The following TUBA3D variants were observed in gnomAD, a reference collection of about 807,000 sequenced individuals.
TUBA3D encodes tubulin alpha-3D chain.
In TUBA3D, 24 loss-of-function variants were observed where a neutral mutation model predicts 36.1. That is an observed-to-expected ratio of 0.66 (90% CI 0.48 to 0.93). The LOEUF (loss-of-function observed/expected upper bound fraction) is 0.93. TUBA3D is among the 40% of genes least tolerant of loss of function. The pLI is 0.00. For synonymous variants in TUBA3D, 185 were observed against 247.2 expected (o/e 0.75, Z 2.36); for missense variants, 356 against 614.5 (o/e 0.58, Z 4.45).
chr2:131,476,389 C>A (rs1157610602), intron 1 of TUBA3D, among the ~76,000 whole-genome samples, 187 bp downstream of exon 1: 1 of 152,182 alleles, frequency 6.6e-6, no homozygotes, highest in Admixed American at 6.5e-5. Flanking sequence ...GGGACGGCGG[C>A]TTTTGTTTTA....
rs1329692195 is a variant in TUBA3D at position 131,476,169 on chromosome 2, G to A, written c.-31G>A. 1 of 1,613,832 alleles carries A rather than the reference G, an allele frequency of 6.2e-7. No individual in the cohort carries two copies. Among genetic ancestry groups the A allele is most frequent in the South Asian group, 1.1e-5 (1 of 91,066 alleles). The stretch of plus-strand genomic sequence containing the variant: ...TGTGGCAGCCGGTTGAGGTCTGGCA[G>A]TAGCGTTGGGCTGAAGCAGCGGAGT... On this transcript the variant is annotated 5_prime_UTR_variant, in exon 1 of 5. Coordinates refer to ENST00000321253, the MANE Select transcript of TUBA3D (RefSeq NM_080386.4).
intron 3 of TUBA3D, 86 bp from the exon 4 acceptor site, chr2:131,479,983 G>A: frequency 1.4e-6 from 2 of 1,475,130 alleles, no homozygotes; most frequent in Non-Finnish European, 1.8e-6. Flanking sequence ...CAACTCTTTA[G>A]AGGCAAAGAG....
Position 131,478,247 on chromosome 2 carries a change from A to T in TUBA3D, c.87A>T (p.Gly29=). 1 of 1,614,088 alleles carries T rather than the reference A, an allele frequency of 6.2e-7. No homozygotes were observed. Among genetic ancestry groups the T allele is most frequent in the Non-Finnish European group, 8.5e-7 (1 of 1,179,934 alleles). The change falls in exon 2 of 5, where the codon GGA becomes GGT. Residue 29 remains glycine (G), a synonymous_variant. Coordinates refer to ENST00000321253, the MANE Select transcript of TUBA3D (RefSeq NM_080386.4). ...GGGAACTGTACTGCCTTGAACATGG[A>T]ATTCAGCCCGATGGCCAAATGCCAA... is the stretch of plus-strand genomic sequence containing the variant. ...ACWELYCLEH[G]IQPDGQMPSD... is the part of the protein sequence containing the mutation.
In TUBA3D at chr2:131,480,463, C is replaced by T. The variant is rs754278163; in HGVS notation, c.770C>T (p.Thr257Ile). The change falls in exon 4 of 5, where the codon ACC becomes ATC. Residue 257 changes from threonine to isoleucine, a missense_variant. Transcript: ENST00000321253. ...ALNVDLTEFQ[T>I]NLVPYPRIHF... ...AATGTGGACTTGACGGAATTCCAGA[C>T]CAACCTAGTGCCGTACCCCCGCATC... 45 of 1,588,360 alleles carry T rather than the reference C, an allele frequency of 2.8e-5. 1 individual carries two copies. The highest frequency in any genetic ancestry group is 3.4e-5 in the Non-Finnish European group (40 of 1,171,714).
Position 131,480,068 on chromosome 2 carries a change from G to C in TUBA3D, c.376-1G>C. 1.3e-6 allele frequency: 2 copies of C among 1,579,252 alleles called. No homozygotes were observed. The highest frequency in any genetic ancestry group is 2.3e-5 in the South Asian group (2 of 85,242). On this transcript the variant is annotated splice_acceptor_variant, in intron 3 of 4. Coordinates refer to ENST00000321253, the MANE Select transcript of TUBA3D (RefSeq NM_080386.4). LOFTEE classifies it high-confidence loss of function. Reference sequence around the variant, plus strand: ...GGCTCACGTTGTGTGGTTTCTCTCAGGCGGATCTGTGCACAGGACTGCAGG... The same window carrying C: ...GGCTCACGTTGTGTGGTTTCTCTCACGCGGATCTGTGCACAGGACTGCAGG...
intron 4 of TUBA3D, among the ~76,000 whole-genome samples, chr2:131,481,812 C>A: frequency 6.6e-6 from 1 of 152,172 alleles, no homozygotes; most frequent in East Asian, 1.9e-4. Flanking sequence ...ACGTGATCTG[C>A]CCACCTGTCT....
In TUBA3D at chr2:131,480,258, C is replaced by A; in HGVS notation, c.565C>A (p.Leu189Met). The change falls in exon 4 of 5, where the codon CTG becomes ATG. Residue 189 changes from leucine (L) to methionine (M), a missense_variant. This residue lies in a region of TUBA3D where 91 missense variants were observed against 240.9 expected (regional missense o/e 0.38). Transcript: ENST00000321253. ...CGTGGTGGAGCCCTACAACTCCATC[C>A]TGACCACCCACACGACCCTGGAACA... ...TAVVEPYNSI[L>M]TTHTTLEHSD... 6.2e-7 allele frequency: 1 copy of A among 1,614,000 alleles called. No individual in the cohort carries two copies. Among genetic ancestry groups the A allele is most frequent in the Non-Finnish European group, 8.5e-7 (1 of 1,180,030 alleles).
chr2:131,476,211 C>G lies in TUBA3D; in HGVS notation c.3+9C>G, dbSNP rs749861322. On this transcript the variant is annotated intron_variant, in intron 1 of 4. Coordinates refer to ENST00000321253, the MANE Select transcript of TUBA3D (RefSeq NM_080386.4). Reference sequence around the variant, plus strand: ...CAGCGGAGTTCGCCATGGTAAGGCCCGGGTCACTCCCGCCCCGCAGATGCC... The same window carrying G: ...CAGCGGAGTTCGCCATGGTAAGGCCGGGGTCACTCCCGCCCCGCAGATGCC... 15 of 1,613,902 alleles carry G rather than the reference C, an allele frequency of 9.3e-6. No individual in the cohort carries two copies. In the South Asian group the frequency reaches 1.5e-4, roughly 17 times the overall value.
intron 4 of TUBA3D, among the ~76,000 whole-genome samples, chr2:131,481,403 G>A (rs1678860876): frequency 6.6e-6 from 1 of 151,430 alleles, no homozygotes; most frequent in African/African-American, 2.4e-5. Context: ...CAAGCAGCTG[G>A]GACCATAGAC....
intron 3 of TUBA3D, among the ~76,000 whole-genome samples, chr2:131,479,822 A>C (rs1678792023): frequency 6.6e-6 from 1 of 152,094 alleles, no homozygotes; most frequent in South Asian, 2.1e-4. Context: ...CCTGGGAAAC[A>C]GAGCAAGATT....
chr2:131,479,746 AG>A, intron 3 of TUBA3D, among the ~76,000 whole-genome samples: 1 of 152,148 alleles, frequency 6.6e-6, no homozygotes, highest in Non-Finnish European at 1.5e-5. Flanking sequence ...AGGCTGAGGC[AG>A]GAGAATTGCT....
chr2:131,476,681 C>T (rs1678684117), intron 1 of TUBA3D, among the ~76,000 whole-genome samples: 1 of 152,260 alleles, frequency 6.6e-6, no homozygotes, highest in African/African-American at 2.4e-5. Flanking sequence ...CGCCTGGAAT[C>T]CCAGCCCTTG....
rs540555988 is a variant in TUBA3D at position 131,479,998 on chromosome 2, G to A, written c.376-71G>A. On this transcript the variant is annotated intron_variant, in intron 3 of 4. Transcript: ENST00000321253. ...CAACTCTTTAGAGGCAAAGAGAAGC[G>A]GCCCTGGCTTGTTGGAGGTTGGTGG... is the stretch of plus-strand genomic sequence containing the variant. 17 of 1,509,086 alleles carry A rather than the reference G, an allele frequency of 1.1e-5. No homozygotes were observed. The African/African-American group carries it at 1.4e-4, about 13-fold the overall frequency. The allele number at this position is 1,509,086 out of a possible 1,614,324, so 93.5% of individuals were successfully genotyped here.
chr2:131,479,318 C>G lies in TUBA3D; in HGVS notation c.237C>G (p.Arg79=). The G allele has an allele frequency of 3.1e-6, 5 of 1,613,960 alleles. No homozygotes were observed. Among genetic ancestry groups the G allele is most frequent in the Non-Finnish European group, 4.2e-6 (5 of 1,179,898 alleles). The change falls in exon 3 of 5, where the codon CGC becomes CGG. Residue 79 remains arginine (R), a synonymous_variant. Coordinates refer to ENST00000321253, the MANE Select transcript of TUBA3D (RefSeq NM_080386.4). The stretch of plus-strand genomic sequence containing the variant: ...CTGTCTCTTTTGCAGATGAAGTGCG[C>G]ACAGGGACCTACAGGCAGCTCTTCC... ...DLEPTVVDEV[R]TGTYRQLFHP...
chr2:131,478,161 C>T lies in TUBA3D; in HGVS notation c.4-3C>T, dbSNP rs1678737351. ...GGGTTCACTTTTATGTTCCTGTTCA[C>T]AGCGCGAGTGTATCTCTATCCACGT... On this transcript the variant is annotated splice_region_variant and splice_polypyrimidine_tract_variant and intron_variant, in intron 1 of 4. Transcript: ENST00000321253. 1 of 1,611,660 alleles carries T rather than the reference C, an allele frequency of 6.2e-7. No individual in the cohort carries two copies. The highest frequency in any genetic ancestry group is 1.3e-5 in the African/African-American group (1 of 74,868).
chr2:131,481,810 T>C (rs1484540192), intron 4 of TUBA3D, among the ~76,000 whole-genome samples: 2 of 152,220 alleles, frequency 1.3e-5, no homozygotes, highest in Admixed American at 6.5e-5. Flanking sequence ...TCACGTGATC[T>C]GCCCACCTGT....
intron 1 of TUBA3D, among the ~76,000 whole-genome samples, chr2:131,477,874 G>A (rs892445822): frequency 2.0e-5 from 3 of 152,132 alleles, no homozygotes; most frequent in African/African-American, 7.2e-5. Context: ...GCTATAATGT[G>A]GGGTTGATTA....
At chr2:131,477,577 A>C (rs1200148420) in intron 1 of TUBA3D, among the ~76,000 whole-genome samples, 1 of 150,810 alleles carries the variant, frequency 6.6e-6, no homozygotes, top group African/African-American at 2.5e-5. Context: ...CCAGCCCCCC[A>C]GTATCCCACT....
chr2:131,477,150 A>G (rs541299305), intron 1 of TUBA3D, among the ~76,000 whole-genome samples: 3 of 150,192 alleles, frequency 2.0e-5, no homozygotes, highest in African/African-American at 4.9e-5. Flanking sequence ...CAGCCCTCCC[A>G]CCTCAGCCTT....
Sources: allele counts gnomAD v4.1 joint callset (sites outside exome capture counted in the v4.1 genomes callset), GRCh38; gene constraint gnomAD v4.1.1; regional missense constraint gnomAD v4.1.1; transcripts MANE v1.5; gene names NCBI Gene and HGNC (gene_info 2026-07-23, HGNC 2026-07-21).